SYNPR: variants seen among roughly 807,000 people sequenced by gnomAD.
SYNPR encodes the protein synaptoporin.
SYNPR carries 23 observed loss-of-function variants against 32.9 expected under a neutral mutation model. The observed-to-expected ratio is 0.70, with a 90% confidence interval of 0.50 to 0.99. SYNPR has a LOEUF of 0.99. SYNPR is among the 50% of genes least tolerant of loss of function. The pLI is 0.00. For synonymous variants in SYNPR, 146 were observed against 135.9 expected (o/e 1.07, Z -0.52); for missense variants, 318 against 349.3 (o/e 0.91, Z 0.71).
upstream of SYNPR, among the ~76,000 whole-genome samples, chr3:63,226,742 A>G (rs2086131178): frequency 6.6e-6 from 1 of 152,176 alleles, no homozygotes; most frequent in East Asian, 1.9e-4. Flanking sequence ...AGATTGGTGA[A>G]TGGGTACAAA....
intron 2 of SYNPR, among the ~76,000 whole-genome samples, chr3:63,442,579 C>A (rs1331593402): frequency 6.6e-6 from 1 of 152,182 alleles, no homozygotes; most frequent in Non-Finnish European, 1.5e-5. Flanking sequence ...AGTAGTCGAG[C>A]TGAACTCCTT....
chr3:63,476,863 C>A (rs1254695440), intron 2 of SYNPR, among the ~76,000 whole-genome samples: 2 of 152,132 alleles, frequency 1.3e-5, no homozygotes, highest in African/African-American at 4.8e-5. Context: ...CATTAAGCCC[C>A]ATGGTGGGTG....
intron 2 of SYNPR, among the ~76,000 whole-genome samples, chr3:63,357,974 T>C (rs985872105): frequency 3.9e-5 from 6 of 152,244 alleles, no homozygotes; most frequent in African/African-American, 1.4e-4. Flanking sequence ...AAAAGGAAAA[T>C]CTTTTCTTGC....
At chr3:63,499,786 C>A (rs1701443198) in intron 3 of SYNPR, among the ~76,000 whole-genome samples, 1 of 151,902 alleles carries the variant, frequency 6.6e-6, no homozygotes, top group Admixed American at 6.6e-5. Context: ...GTCTCTGTTT[C>A]TTTCTAATAC....
intron 2 of SYNPR, among the ~76,000 whole-genome samples, chr3:63,447,585 G>C (rs546506554): frequency 6.6e-6 from 1 of 152,134 alleles, no homozygotes. Flanking sequence ...AATATTTTGA[G>C]CCTGAAATCA....
chr3:63,489,850 G>A (rs979210901), intron 3 of SYNPR, among the ~76,000 whole-genome samples: 12 of 152,130 alleles, frequency 7.9e-5, no homozygotes, highest in African/African-American at 2.7e-4. Flanking sequence ...AATGAACATC[G>A]CTTAGAATGT....
At chr3:63,539,414 T>A (rs1702262066) in intron 3 of SYNPR, among the ~76,000 whole-genome samples, 1 of 152,056 alleles carries the variant, frequency 6.6e-6, no homozygotes, top group Admixed American at 6.6e-5. Flanking sequence ...AAATAGAAAA[T>A]TAATCTCATC....
rs534988216 is a variant in SYNPR at position 63,290,574 on chromosome 3, T to A, written c.84+11832T>A. On this transcript the variant is annotated intron_variant, in intron 2 of 5. Transcript: ENST00000478300. ...ACTGAACTTGTGTATCTTTTTTTTT[T>A]AACAAAATCTTTATTCACTGATCCG... Among the ~76,000 whole-genome samples, 3 of 150,170 alleles carry A rather than the reference T, an allele frequency of 2.0e-5. No individual in the cohort carries two copies. In the East Asian group the frequency reaches 5.8e-4, roughly 29 times the overall value.
chr3:63,548,414 G>A (rs1362835289), intron 3 of SYNPR, among the ~76,000 whole-genome samples: 1 of 152,128 alleles, frequency 6.6e-6, no homozygotes, highest in Non-Finnish European at 1.5e-5. Context: ...GTGTGTGAAA[G>A]TGCTACATAA....
intron 3 of SYNPR, among the ~76,000 whole-genome samples, chr3:63,554,222 T>C (rs935852718): frequency 1.2e-4 from 18 of 152,246 alleles, no homozygotes; most frequent in Non-Finnish European, 2.6e-4. Flanking sequence ...TTCAGCTTAA[T>C]TAGGTCCCAC....
At chr3:63,514,460 C>T (rs906176435) in intron 3 of SYNPR, among the ~76,000 whole-genome samples, 1 of 152,154 alleles carries the variant, frequency 6.6e-6, no homozygotes, top group African/African-American at 2.4e-5. Flanking sequence ...CCATCTCTGG[C>T]TTTTGGCTCT....
At chr3:63,581,892 T>A (rs1344397454) in intron 4 of SYNPR, among the ~76,000 whole-genome samples, 2 of 152,172 alleles carry the variant, frequency 1.3e-5, no homozygotes, top group African/African-American at 4.8e-5. Flanking sequence ...AGTGTGGATT[T>A]CTTTTTAACT....
At chr3:63,405,348 G>T (rs1409374141) in intron 2 of SYNPR, among the ~76,000 whole-genome samples, 1 of 152,178 alleles carries the variant, frequency 6.6e-6, no homozygotes, top group East Asian at 1.9e-4. Flanking sequence ...CTTCTCCAAA[G>T]AAATGTTCTA....
chr3:63,202,932 TA>T, the SYNPR span, among the ~76,000 whole-genome samples: 1 of 151,832 alleles, frequency 6.6e-6, no homozygotes, highest in Non-Finnish European at 1.5e-5. Context: ...TGTCCAGTAT[TA>T]ATGAATACAG....
chr3:63,444,486 G>A (rs768940290), intron 2 of SYNPR: 2 of 152,096 alleles, frequency 1.3e-5, no homozygotes, highest in African/African-American at 4.8e-5. Context: ...ATGGTGAAAC[G>A]AGCTGGAGAA....
chr3:63,263,945 A>G (rs2106902860), intron 2 of SYNPR, among the ~76,000 whole-genome samples: 1 of 152,322 alleles, frequency 6.6e-6, no homozygotes, highest in Non-Finnish European at 1.5e-5. Flanking sequence ...AAACTGCCAC[A>G]TCTTTGAACA....
At chr3:63,573,777 A>C (rs1273215824) in intron 4 of SYNPR, among the ~76,000 whole-genome samples, 6 of 152,146 alleles carry the variant, frequency 3.9e-5, no homozygotes, top group African/African-American at 1.4e-4. Flanking sequence ...GTGTGAAAGG[A>C]ATGTGTGGGT....
chr3:63,563,539 C>G (rs2106836938), intron 4 of SYNPR, among the ~76,000 whole-genome samples: 1 of 152,236 alleles, frequency 6.6e-6, no homozygotes, highest in Non-Finnish European at 1.5e-5. Flanking sequence ...CTCTCTCCCT[C>G]TCCCCAATTC....
intron 2 of SYNPR, among the ~76,000 whole-genome samples, chr3:63,370,091 C>T (rs1423948927): frequency 1.3e-5 from 2 of 152,272 alleles, no homozygotes; most frequent in Non-Finnish European, 2.9e-5. Context: ...CACATTCTTT[C>T]TGATTTTTGA....
Sources: allele counts gnomAD v4.1 joint callset (sites outside exome capture counted in the v4.1 genomes callset), GRCh38; gene constraint gnomAD v4.1.1; transcripts MANE v1.5; gene names NCBI Gene and HGNC (gene_info 2026-07-23, HGNC 2026-07-21).